The following PCDH15 variants were observed in gnomAD, a reference collection of about 807,000 sequenced individuals.
The protein encoded by PCDH15 is protocadherin related 15.
PCDH15 carries 129 observed loss-of-function variants against 178.5 expected under a neutral mutation model. The observed-to-expected ratio is 0.72, with a 90% CI of 0.63 to 0.84. The LOEUF is 0.84. Among genes scored for constraint, PCDH15 ranks in the 40% least tolerant of loss-of-function variants. The pLI, the probability that PCDH15 is intolerant of heterozygous loss-of-function variation, is 0.00. For missense variants in PCDH15, 2,230 were observed against 2,099.9 expected, an observed-to-expected ratio of 1.06 and a Z score of -1.21; for synonymous variants, 800 against 732.0, an observed-to-expected ratio of 1.09 and a Z score of -1.50.
chr10:54,191,289 A>G (rs2048966856), intron 11 of PCDH15, among the ~76,000 whole-genome samples: 1 of 152,206 alleles, frequency 6.6e-6, no homozygotes, highest in Non-Finnish European at 1.5e-5. Context: ...AAATGCACTG[A>G]GGGAGGCATG....
In PCDH15 at chr10:53,806,979, T is replaced by TTC; in HGVS notation, c.4821_4822dup (p.Asn1608ArgfsTer6). 6.8e-6 allele frequency: 11 copies of TTC among 1,613,814 alleles called. No homozygotes were observed. Among genetic ancestry groups the TTC allele is most frequent in the Non-Finnish European group, 9.3e-6 (11 of 1,179,804 alleles). On this transcript the variant is annotated frameshift_variant, in exon 38 of 38. Coordinates refer to ENST00000644397, the MANE Select transcript of PCDH15 (RefSeq NM_001384140.1). LOFTEE classifies it high-confidence loss of function. ...ACGGCGGGTTCTCACCACAGAACCA[T>TTC]TCTGTGCAATATATATATTGCCGTT...
chr10:54,622,633 TATTATATA>T (rs1565776732), intron 2 of PCDH15, among the ~76,000 whole-genome samples: 2 of 41,408 alleles, frequency 4.8e-5, no homozygotes, highest in African/African-American at 2.1e-4. Flanking sequence ...ATATAATATA[TATTATATA>T]ATTATATATA....
intron 16 of PCDH15, among the ~76,000 whole-genome samples, chr10:54,085,209 A>C (rs2136002379): frequency 1.3e-5 from 2 of 152,224 alleles, no homozygotes; most frequent in South Asian, 4.1e-4. Flanking sequence ...ACTGATATGA[A>C]AAATATAATT....
chr10:54,057,442 C>A (rs986565066), intron 18 of PCDH15, among the ~76,000 whole-genome samples: 2 of 152,196 alleles, frequency 1.3e-5, no homozygotes, highest in Non-Finnish European at 2.9e-5. Context: ...TGGAAGCCGC[C>A]AAGACTTGGG....
At chr10:54,089,137 C>T (rs2094559759) in intron 16 of PCDH15, among the ~76,000 whole-genome samples, 1 of 152,158 alleles carries the variant, frequency 6.6e-6, no homozygotes, top group Non-Finnish European at 1.5e-5. Context: ...CGTGAAATTT[C>T]AGGTATTTCT....
chr10:54,701,115 T>G (rs2132234610), intron 1 of PCDH15, among the ~76,000 whole-genome samples: 1 of 152,108 alleles, frequency 6.6e-6, no homozygotes, highest in South Asian at 2.1e-4. Flanking sequence ...TTAGAAAAAA[T>G]AATCACAACA....
At position 55,535,915 on chromosome 10, in the gene PCDH15, C is replaced by G. The variant is rs1218322155; in HGVS notation, c.-156+91710G>C. ...GACCATACCTTATATATCATTTACACCTTGCTTAAGATATTAAAATACAAT... is the reference window on the plus strand; with the variant it reads ...GACCATACCTTATATATCATTTACAGCTTGCTTAAGATATTAAAATACAAT... On this transcript the variant is annotated intron_variant, in intron 2 of 5. Coordinates refer to the PCDH15 transcript ENST00000613346. 2.6e-5 allele frequency among the ~76,000 whole-genome samples: 4 copies of G among 151,946 alleles called. No homozygotes were observed. In the East Asian group the frequency reaches 7.7e-4, roughly 29 times the overall value.
intron 1 of PCDH15, among the ~76,000 whole-genome samples, chr10:55,272,073 A>C (rs1164071367): frequency 6.6e-6 from 1 of 152,062 alleles, no homozygotes; most frequent in Non-Finnish European, 1.5e-5. Context: ...AAATATACCT[A>C]TGTGTTTTTT....
At chr10:55,263,636 T>C (rs1389412009) in intron 1 of PCDH15, among the ~76,000 whole-genome samples, 4 of 152,128 alleles carry the variant, frequency 2.6e-5, no homozygotes, top group African/African-American at 9.7e-5. Context: ...GGGGGAAGGA[T>C]GTAAGGATTA....
chr10:55,149,782 T>C (rs1173642279), intron 2 of PCDH15, among the ~76,000 whole-genome samples: 1 of 152,106 alleles, frequency 6.6e-6, no homozygotes, highest in Non-Finnish European at 1.5e-5. Context: ...GGTTCTATTC[T>C]AGTTTCAAAA....
intron 2 of PCDH15, among the ~76,000 whole-genome samples, chr10:55,494,518 TTTTG>T (rs1198189301): frequency 2.5e-4 from 38 of 151,654 alleles, no homozygotes; most frequent in South Asian, 4.2e-4. Flanking sequence ...TTTTTCTGTC[TTTTG>T]TTTATTTCCT....
chr10:54,456,500 T>G (rs1484518760), intron 3 of PCDH15, among the ~76,000 whole-genome samples: 2 of 152,196 alleles, frequency 1.3e-5, no homozygotes, highest in Non-Finnish European at 2.9e-5. Flanking sequence ...GTATCTATGA[T>G]GTAACTAACT....
chr10:55,253,285 C>T (rs531084871), intron 1 of PCDH15, among the ~76,000 whole-genome samples: 106 of 151,272 alleles, frequency 7.0e-4, no homozygotes, highest in African/African-American at 2.5e-3. Context: ...CAAGTAAGAA[C>T]TTAAAGTTTA....
intron 18 of PCDH15, among the ~76,000 whole-genome samples, chr10:54,029,048 G>A (rs2093215255): frequency 1.3e-5 from 2 of 152,132 alleles, no homozygotes; most frequent in East Asian, 1.9e-4. Context: ...AAAATGCAGA[G>A]CTATTTCCTT....
At chr10:54,127,506 G>T (rs1350286427) in intron 15 of PCDH15, among the ~76,000 whole-genome samples, 2 of 152,096 alleles carry the variant, frequency 1.3e-5, no homozygotes, top group African/African-American at 4.8e-5. Context: ...AAATATCAAG[G>T]CCTTGAGAAT....
intron 3 of PCDH15, among the ~76,000 whole-genome samples, chr10:54,430,191 G>T (rs1359199534): frequency 6.6e-6 from 1 of 151,548 alleles, no homozygotes; most frequent in African/African-American, 2.4e-5. Context: ...GCTTAGCTGG[G>T]ATTACAGGCA....
intron 2 of PCDH15, among the ~76,000 whole-genome samples, chr10:54,605,154 G>A (rs1402992690): frequency 1.3e-5 from 2 of 151,526 alleles, no homozygotes; most frequent in Non-Finnish European, 2.9e-5. Flanking sequence ...TTTTAGATTA[G>A]AATTAAAAGT....
intron 7 of PCDH15, among the ~76,000 whole-genome samples, chr10:54,325,944 T>C (rs755706223): frequency 3.9e-5 from 6 of 151,920 alleles, no homozygotes; most frequent in Admixed American, 2.0e-4. Flanking sequence ...ACAAACAAGA[T>C]AAATGTAAAA....
intron 2 of PCDH15, among the ~76,000 whole-genome samples, chr10:55,572,165 C>A (rs1315182129): frequency 6.6e-6 from 1 of 151,604 alleles, no homozygotes; most frequent in Non-Finnish European, 1.5e-5. Context: ...TTTTTAGAGC[C>A]CATACAGTAA....
Sources: allele counts gnomAD v4.1 joint callset (sites outside exome capture counted in the v4.1 genomes callset), GRCh38; gene constraint gnomAD v4.1.1; transcripts MANE v1.5; gene names NCBI Gene and HGNC (gene_info 2026-07-23, HGNC 2026-07-21).